TAFA4: variants seen among roughly 807,000 people sequenced by gnomAD.
The protein encoded by TAFA4 is chemokine-like protein TAFA-4.
Under a neutral mutation model 21.1 loss-of-function variants are expected in TAFA4, and 20 were observed. The observed-to-expected ratio is 0.95, with a 90% CI of 0.67 to 1.38. TAFA4 has a LOEUF of 1.38. Ranked by LOEUF, TAFA4 falls within the 40% of genes most tolerant of loss-of-function variation. The probability of loss-of-function intolerance (pLI) is 0.00; values close to 1 mark genes in which losing one functional copy is unlikely to be tolerated. For missense variants in TAFA4, 211 were observed against 180.9 expected (o/e 1.17, Z -0.95); for synonymous variants, 71 against 67.4 (o/e 1.05, Z -0.26).
intron 1 of TAFA4, among the ~76,000 whole-genome samples, chr3:68,890,602 A>G (rs2089720227): frequency 1.3e-5 from 2 of 152,258 alleles, no homozygotes; most frequent in Non-Finnish European, 2.9e-5. Context: ...ATTTATTTAC[A>G]TCACGATATG....
intron 3 of TAFA4, among the ~76,000 whole-genome samples, chr3:68,762,317 G>A (rs998703795): frequency 6.6e-6 from 1 of 152,214 alleles, no homozygotes; most frequent in African/African-American, 2.4e-5. Flanking sequence ...TTTGAGAAAT[G>A]GTGTTATCAA....
rs6549143 is a variant in TAFA4, at chr3:68,733,062, A to G, written c.*80T>C. The G allele has an allele frequency of 0.66, 1,046,253 of 1,584,064 alleles. 350,993 individuals are homozygous for G. The highest frequency in any genetic ancestry group is 0.92 in the East Asian group (40,875 of 44,670). On this transcript the variant is annotated 3_prime_UTR_variant, in exon 6 of 6. Transcript: ENST00000295569. ...CTGAAATCCTAGACAATTTTCTGCAAAGGGGCCATGATGGGAATCCAAGCA... is the reference window on the plus strand; with the variant it reads ...CTGAAATCCTAGACAATTTTCTGCAGAGGGGCCATGATGGGAATCCAAGCA...
At chr3:68,787,254 C>G (rs73835351) in intron 3 of TAFA4, among the ~76,000 whole-genome samples, 4 of 152,036 alleles carry the variant, frequency 2.6e-5, no homozygotes, top group East Asian at 1.9e-4. Context: ...GAGTATTCAG[C>G]GGAGACTGAA....
intron 1 of TAFA4, among the ~76,000 whole-genome samples, chr3:68,899,587 T>A (rs2089824755): frequency 6.6e-6 from 1 of 152,174 alleles, no homozygotes; most frequent in African/African-American, 2.4e-5. Flanking sequence ...AAGAAATTTC[T>A]ATGTCGAGTC....
chr3:68,744,000 A>T (rs1346960706), intron 4 of TAFA4, among the ~76,000 whole-genome samples: 3 of 152,240 alleles, frequency 2.0e-5, no homozygotes, highest in Admixed American at 1.3e-4. Flanking sequence ...ACCTCAATTT[A>T]AAATACCATC....
intron 3 of TAFA4, among the ~76,000 whole-genome samples, chr3:68,841,569 T>A (rs550671998): frequency 2.6e-5 from 4 of 152,236 alleles, no homozygotes; most frequent in South Asian, 2.1e-4. Flanking sequence ...GATTTTTTTT[T>A]AATTATACTT....
chr3:68,830,470 T>A (rs188095559), intron 3 of TAFA4, among the ~76,000 whole-genome samples: 23 of 152,376 alleles, frequency 1.5e-4, no homozygotes, highest in African/African-American at 4.8e-4. Context: ...AGGAGCAGAT[T>A]GTTCACTTTC....
intron 1 of TAFA4, chr3:68,916,233 C>T (rs765061430): frequency 3.3e-5 from 5 of 152,214 alleles, no homozygotes; most frequent in African/African-American, 7.2e-5. Context: ...ACATATCAAA[C>T]GGATAAGACT....
chr3:68,803,978 G>T (rs1703630987), intron 3 of TAFA4, among the ~76,000 whole-genome samples: 1 of 151,486 alleles, frequency 6.6e-6, no homozygotes, highest in African/African-American at 2.4e-5. Flanking sequence ...AGTAGAGATG[G>T]GGTTTCTCCA....
intron 3 of TAFA4, among the ~76,000 whole-genome samples, chr3:68,811,000 C>A (rs1449489704): frequency 6.6e-6 from 1 of 152,192 alleles, no homozygotes; most frequent in Admixed American, 6.5e-5. Context: ...CAGGCTGCAA[C>A]ATTTGCTGTT....
chr3:68,826,500 G>A (rs904017001), intron 3 of TAFA4, among the ~76,000 whole-genome samples: 2 of 151,526 alleles, frequency 1.3e-5, no homozygotes, highest in Non-Finnish European at 1.5e-5. Context: ...GTGAACCCGG[G>A]AGGCAGAGCT....
intron 3 of TAFA4, among the ~76,000 whole-genome samples, chr3:68,840,746 C>T (rs1252586163): frequency 6.6e-6 from 1 of 152,152 alleles, no homozygotes; most frequent in African/African-American, 2.4e-5. Context: ...GCTGGTTTAG[C>T]AGTAAACTCT....
intron 1 of TAFA4, among the ~76,000 whole-genome samples, chr3:68,905,628 G>C (rs1036688608): frequency 2.6e-5 from 4 of 152,158 alleles, no homozygotes; most frequent in African/African-American, 9.7e-5. Context: ...GAGCCTAAAT[G>C]ACAAGGAGGA....
intron 4 of TAFA4, among the ~76,000 whole-genome samples, chr3:68,740,886 C>G (rs192675967): frequency 6.6e-6 from 1 of 152,134 alleles, no homozygotes; most frequent in African/African-American, 2.4e-5. Flanking sequence ...TTCCCAGCAC[C>G]CTTTATTGAA....
chr3:68,840,131 C>G (rs892586324), intron 3 of TAFA4, among the ~76,000 whole-genome samples: 1 of 152,158 alleles, frequency 6.6e-6, no homozygotes, highest in Admixed American at 6.5e-5. Flanking sequence ...GACCCCATGG[C>G]AAATGGGGCT....
intron 3 of TAFA4, among the ~76,000 whole-genome samples, chr3:68,839,125 C>T (rs1049778584): frequency 6.6e-6 from 1 of 152,018 alleles, no homozygotes; most frequent in Non-Finnish European, 1.5e-5. Context: ...ACAAAAATTC[C>T]CTGCCTATGT....
intron 3 of TAFA4, among the ~76,000 whole-genome samples, chr3:68,757,165 A>C (rs981750188): frequency 6.6e-6 from 1 of 152,110 alleles, no homozygotes; most frequent in South Asian, 2.1e-4. Context: ...CTGGAGACAG[A>C]GTCCAAACTT....
chr3:68,891,913 C>A (rs1208563696), intron 1 of TAFA4, among the ~76,000 whole-genome samples: 1 of 152,196 alleles, frequency 6.6e-6, no homozygotes, highest in Non-Finnish European at 1.5e-5. Context: ...TAGAAATCTG[C>A]AAACAGCTTT....
At chr3:68,816,580 A>T (rs1358149643) in intron 3 of TAFA4, among the ~76,000 whole-genome samples, 2 of 152,130 alleles carry the variant, frequency 1.3e-5, no homozygotes, top group East Asian at 3.9e-4. Flanking sequence ...GAATTCATTT[A>T]TTAGTTCTAA....
Sources: gnomAD v4.1 joint callset for allele counts (sites outside exome capture counted in the v4.1 genomes callset) on GRCh38, gnomAD v4.1.1 for gene constraint, MANE v1.5 for transcripts, NCBI Gene and HGNC (gene_info 2026-07-23, HGNC 2026-07-21) for gene names.